The following PICALM variants were observed in gnomAD, a reference collection of about 807,000 sequenced individuals.
PICALM encodes the protein phosphatidylinositol-binding clathrin assembly protein.
PICALM carries 40 observed loss-of-function variants against 80.5 expected under a neutral mutation model. That is an observed-to-expected ratio of 0.50 (90% CI 0.39 to 0.65). PICALM has a LOEUF of 0.65. Ranked by LOEUF, PICALM falls within the 30% of genes least tolerant of loss-of-function variation. The pLI, the probability that PICALM is intolerant of heterozygous loss-of-function variation, is 0.00. For missense variants in PICALM, 676 were observed against 778.9 expected (o/e 0.87, Z 1.57); for synonymous variants, 288 against 260.3 (o/e 1.11, Z -1.02).
intron 12 of PICALM, among the ~76,000 whole-genome samples, chr11:85,993,523 C>T (rs950773654): frequency 3.4e-4 from 52 of 152,230 alleles, no homozygotes; most frequent in African/African-American, 1.3e-3. Flanking sequence ...ACTGCAACCT[C>T]TGCTTCTCAG....
intron 2 of PICALM, among the ~76,000 whole-genome samples, chr11:86,026,735 A>T (rs2095654843): frequency 6.6e-6 from 1 of 152,236 alleles, no homozygotes; most frequent in African/African-American, 2.4e-5. Flanking sequence ...GGCTTTAAAA[A>T]AAAAATACTT....
chr11:86,039,969 A>G (rs574100695), intron 1 of PICALM, among the ~76,000 whole-genome samples: 1 of 142,586 alleles, frequency 7.0e-6, no homozygotes, highest in African/African-American at 2.6e-5. Flanking sequence ...GCGCCATTGC[A>G]CTCCAGCCTG....
intron 4 of PICALM, among the ~76,000 whole-genome samples, chr11:86,020,533 T>C (rs11234517): frequency 0.21 from 32,495 of 151,504 alleles, 3,827 homozygotes; most frequent in African/African-American, 0.25. Context: ...CATGAAGATA[T>C]ACATACAGAT....
At chr11:86,051,761 T>C (rs537814839) in intron 1 of PICALM, among the ~76,000 whole-genome samples, 1 of 152,236 alleles carries the variant, frequency 6.6e-6, no homozygotes, top group Non-Finnish European at 1.5e-5. Flanking sequence ...CTCCTATCTA[T>C]ATCTCATTCC....
At chr11:86,002,740 C>T (rs981089425) in intron 9 of PICALM, among the ~76,000 whole-genome samples, 5 of 152,114 alleles carry the variant, frequency 3.3e-5, no homozygotes, top group Admixed American at 6.6e-5. Context: ...AGGCCTGGCA[C>T]GGTGGTTCAT....
chr11:86,056,402 GAA>G (rs1168689520), intron 1 of PICALM, among the ~76,000 whole-genome samples: 1 of 146,910 alleles, frequency 6.8e-6, no homozygotes, highest in African/African-American at 2.4e-5. Flanking sequence ...ACCACATAAA[GAA>G]ATGCTAAACA....
chr11:85,978,387 G>C (rs1416760657), intron 17 of PICALM: 1 of 214,066 alleles, frequency 4.7e-6, no homozygotes, highest in Non-Finnish European at 9.3e-6. Flanking sequence ...CAAAATTTTG[G>C]GCATTGCATA....
At chr11:85,959,914 T>C (rs988608381) in intron 19 of PICALM, among the ~76,000 whole-genome samples, 2 of 152,060 alleles carry the variant, frequency 1.3e-5, no homozygotes, top group Admixed American at 1.3e-4. Flanking sequence ...AGGAATAGCA[T>C]GTGGAGGAGG....
rs2135902588 is a variant in PICALM at position 85,990,412 on chromosome 11, A to T, written c.1259-13T>A. 6.5e-7 allele frequency: 1 copy of T among 1,529,774 alleles called. No homozygotes were observed. Among genetic ancestry groups the T allele is most frequent in the East Asian group, 2.3e-5 (1 of 43,584 alleles). 94.8% of individuals were successfully genotyped at this position (1,529,774 alleles called of 1,614,324 possible). On this transcript the variant is annotated splice_polypyrimidine_tract_variant and intron_variant, in intron 12 of 19. Transcript: ENST00000393346. ...GCAGAGAAAGGATCTGTGCAGTCCA[A>T]ATGTATTATAGCAAAATGAAGAAAG... is the stretch of plus-strand genomic sequence containing the variant.
At chr11:86,065,444 A>T (rs1265633832) in intron 1 of PICALM, among the ~76,000 whole-genome samples, 2 of 146,652 alleles carry the variant, frequency 1.4e-5, no homozygotes, top group East Asian at 3.8e-4. Flanking sequence ...TCCGTCTCAA[A>T]AAAAAAAAAA....
chr11:85,982,718 C>T (rs926020702), intron 14 of PICALM, among the ~76,000 whole-genome samples: 4 of 151,636 alleles, frequency 2.6e-5, no homozygotes, highest in Admixed American at 6.6e-5. Flanking sequence ...TGAGCCACCG[C>T]GCCCGGCCGA....
Position 86,069,075 on chromosome 11 carries a change from G to A in PICALM, c.-295C>T, listed in dbSNP as rs947529057. 4 of 337,182 alleles carry A rather than the reference G, an allele frequency of 1.2e-5. No individual in the cohort carries two copies. The highest frequency in any genetic ancestry group is 2.2e-5 in the Non-Finnish European group (4 of 181,832). The allele number at this position is 337,182 out of a possible 1,614,324, so 20.9% of individuals were successfully genotyped here. A position where few individuals can be genotyped will look rare whatever the true frequency, so the allele number is the denominator to read the frequency against. Reference sequence around the variant, plus strand: ...AGGGTAAGAGGAACAGGCAGCTGCAGGAAAATGGCGGCGCCAGGCTCCTCC... The same window carrying A: ...AGGGTAAGAGGAACAGGCAGCTGCAAGAAAATGGCGGCGCCAGGCTCCTCC... On this transcript the variant is annotated 5_prime_UTR_variant, in exon 1 of 20. Transcript: ENST00000393346.
chr11:85,973,515 T>G (rs1451294224), intron 19 of PICALM, among the ~76,000 whole-genome samples: 1 of 152,180 alleles, frequency 6.6e-6, no homozygotes, highest in Non-Finnish European at 1.5e-5. Context: ...TATTATTCAT[T>G]ATTATTAATC....
intron 1 of PICALM, among the ~76,000 whole-genome samples, chr11:86,059,579 T>C (rs1472203656): frequency 6.6e-6 from 1 of 152,084 alleles, no homozygotes; most frequent in African/African-American, 2.4e-5. Flanking sequence ...GGCCAGAAGT[T>C]CGAGACCAGC....
At chr11:85,962,662 A>T (rs1053231436) in intron 19 of PICALM, among the ~76,000 whole-genome samples, 4 of 152,252 alleles carry the variant, frequency 2.6e-5, no homozygotes, top group African/African-American at 9.6e-5. Context: ...GTAGTCTCTT[A>T]AATTGGTAAA....
At chr11:86,042,105 G>A in intron 1 of PICALM, among the ~76,000 whole-genome samples, 1 of 152,084 alleles carries the variant, frequency 6.6e-6, no homozygotes, top group East Asian at 1.9e-4. Flanking sequence ...GGAACAACAG[G>A]ACCCTGGCAA....
rs1335535361 is a variant in PICALM at position 85,958,234 on chromosome 11, G to T, written c.*812C>A. Reference sequence around the variant, plus strand: ...TTCCTAGTCAGTGAACTGTTCCCTGGCAAAATCCTAGGCACAGAATTGACT... The same window carrying T: ...TTCCTAGTCAGTGAACTGTTCCCTGTCAAAATCCTAGGCACAGAATTGACT... On this transcript the variant is annotated 3_prime_UTR_variant, in exon 20 of 20. Transcript: ENST00000393346. 1 of 219,968 alleles carries T rather than the reference G, an allele frequency of 4.5e-6. No individual in the cohort carries two copies. The highest frequency in any genetic ancestry group is 9.1e-6 in the Non-Finnish European group (1 of 109,520). The allele number at this position is 219,968 out of a possible 1,614,324, so 13.6% of individuals were successfully genotyped here. A position where few individuals can be genotyped will look rare whatever the true frequency, so the allele number is the denominator to read the frequency against.
intron 5 of PICALM, 66 bp downstream of exon 5, chr11:86,014,795 ACTTGAGGTT>A (rs1249749886): frequency 1.2e-5 from 9 of 769,590 alleles, no homozygotes; most frequent in Non-Finnish European, 1.8e-5. Flanking sequence ...GTCTGTGAAA[ACTTGAGGTT>A]AAAAATTCTC....
At chr11:85,981,381 A>C (rs2094437892) in intron 16 of PICALM, among the ~76,000 whole-genome samples, 153 bp from the exon 17 acceptor site, 1 of 152,122 alleles carries the variant, frequency 6.6e-6, no homozygotes, top group Non-Finnish European at 1.5e-5. Context: ...CAAGGTGGAC[A>C]AATCACTTGA....
Sources: gnomAD v4.1 joint callset for allele counts (sites outside exome capture counted in the v4.1 genomes callset) on GRCh38, gnomAD v4.1.1 for gene constraint, MANE v1.5 for transcripts, NCBI Gene and HGNC (gene_info 2026-07-23, HGNC 2026-07-21) for gene names.